The following MGAT4C variants were observed in gnomAD, a reference collection of about 807,000 sequenced individuals.
The protein encoded by MGAT4C is MGAT4 family member C.
In MGAT4C, 19 loss-of-function variants were observed where a neutral mutation model predicts 40.1. The observed-to-expected ratio is 0.47, with a 90% confidence interval of 0.33 to 0.70. The LOEUF is 0.70. Among genes scored for constraint, MGAT4C ranks in the 30% least tolerant of loss-of-function variants. The probability of loss-of-function intolerance (pLI) is 0.02; values close to 1 mark genes in which losing one functional copy is unlikely to be tolerated. For synonymous variants in MGAT4C, 181 were observed against 187.1 expected (o/e 0.97, Z 0.27); for missense variants, 491 against 563.2 (o/e 0.87, Z 1.30).
At chr12:86,363,739 G>C (rs1429217175) in intron 3 of MGAT4C, among the ~76,000 whole-genome samples, 2 of 151,788 alleles carry the variant, frequency 1.3e-5, no homozygotes, top group African/African-American at 2.4e-5. Context: ...CCAAAGAAAG[G>C]AACAGAGGGA....
intron 2 of MGAT4C, among the ~76,000 whole-genome samples, chr12:86,523,089 A>G (rs376870806): frequency 7.9e-5 from 12 of 151,464 alleles, no homozygotes; most frequent in Non-Finnish European, 1.6e-4. Context: ...CTGTGTCTCA[A>G]TCTCCTTCAG....
intron 3 of MGAT4C, among the ~76,000 whole-genome samples, chr12:86,407,255 TGTA>T (rs1264883734): frequency 2.0e-5 from 3 of 152,102 alleles, no homozygotes; most frequent in Non-Finnish European, 2.9e-5. Flanking sequence ...CTTTAAAATA[TGTA>T]GTAGAATTGA....
intron 2 of MGAT4C, among the ~76,000 whole-genome samples, chr12:86,679,953 T>C (rs780464935): frequency 2.6e-5 from 4 of 152,070 alleles, no homozygotes; most frequent in Non-Finnish European, 5.9e-5. Flanking sequence ...TAATGTTTCC[T>C]TGCCTTAGAG....
chr12:86,474,360 G>A (rs984787035), intron 2 of MGAT4C, among the ~76,000 whole-genome samples: 6 of 131,214 alleles, frequency 4.6e-5, no homozygotes, highest in East Asian at 2.5e-4. Context: ...ATCACACACC[G>A]GGCCTGCTGT....
chr12:86,820,879 G>C (rs904881104), intron 1 of MGAT4C, among the ~76,000 whole-genome samples: 3 of 150,758 alleles, frequency 2.0e-5, no homozygotes, highest in African/African-American at 7.3e-5. Context: ...TCTCTATTTT[G>C]CATCCATAGC....
At chr12:86,295,903 G>A (rs542864486) in intron 4 of MGAT4C, among the ~76,000 whole-genome samples, 15 of 145,672 alleles carry the variant, frequency 1.0e-4, no homozygotes, top group Admixed American at 3.5e-4. Context: ...ACAGGGTGCC[G>A]ACTGGTTTGT....
intron 2 of MGAT4C, among the ~76,000 whole-genome samples, chr12:86,544,813 T>C (rs1959184747): frequency 6.6e-6 from 1 of 152,050 alleles, no homozygotes. Flanking sequence ...AGTACCTTAG[T>C]AGTGAATTGT....
At chr12:86,604,974 C>T (rs1379963543) in intron 2 of MGAT4C, among the ~76,000 whole-genome samples, 1 of 151,994 alleles carries the variant, frequency 6.6e-6, no homozygotes, top group Admixed American at 6.6e-5. Flanking sequence ...GAATTCCTTT[C>T]AAAGACCACA....
Position 85,964,426 on chromosome 12 carries a change from C to T in MGAT4C, c.*14863G>A, listed in dbSNP as rs1883256225. On this transcript the variant is annotated 3_prime_UTR_variant, in exon 5 of 5. Coordinates refer to ENST00000611864, the MANE Select transcript of MGAT4C (RefSeq NM_001351288.2). Reference sequence around the variant, plus strand: ...GTAGAAAATTTTAGAGATTTTAATACCAGGATGAAATAATAGTATCATTCT... The same window carrying T: ...GTAGAAAATTTTAGAGATTTTAATATCAGGATGAAATAATAGTATCATTCT... 1 of 151,956 alleles carries T rather than the reference C, an allele frequency of 6.6e-6. No individual in the cohort carries two copies. Among genetic ancestry groups the T allele is most frequent in the Admixed American group, 6.6e-5 (1 of 15,236 alleles). 9.4% of individuals were successfully genotyped at this position (151,956 alleles called of 1,614,324 possible).
At chr12:86,369,144 T>C (rs557232517) in intron 3 of MGAT4C, among the ~76,000 whole-genome samples, 1 of 151,996 alleles carries the variant, frequency 6.6e-6, no homozygotes, top group Non-Finnish European at 1.5e-5. Context: ...TTACTTAATG[T>C]CTACTTTGTC....
At chr12:86,228,413 A>G (rs1273432437) in intron 1 of MGAT4C, among the ~76,000 whole-genome samples, 4 of 151,918 alleles carry the variant, frequency 2.6e-5, no homozygotes, top group African/African-American at 9.7e-5. Context: ...AATGCACACA[A>G]TAAATATTTT....
chr12:86,371,784 A>G (rs961733908), intron 3 of MGAT4C, among the ~76,000 whole-genome samples: 5 of 152,152 alleles, frequency 3.3e-5, no homozygotes, highest in African/African-American at 1.2e-4. Context: ...TTCCTGGTTC[A>G]GTTCTTATTA....
At chr12:86,142,173 T>C (rs1882924693) in intron 1 of MGAT4C, among the ~76,000 whole-genome samples, 1 of 152,210 alleles carries the variant, frequency 6.6e-6, no homozygotes, top group South Asian at 2.1e-4. Flanking sequence ...GTTTAGCTAA[T>C]TTGATCTATG....
At chr12:86,654,734 T>TC (rs1963796651) in intron 2 of MGAT4C, among the ~76,000 whole-genome samples, 1 of 150,018 alleles carries the variant, frequency 6.7e-6, no homozygotes, top group Admixed American at 6.6e-5. Flanking sequence ...TTTTTTTTTT[T>TC]CTCTTAAAGT....
At chr12:86,127,964 G>A (rs2059125694) in intron 1 of MGAT4C, among the ~76,000 whole-genome samples, 1 of 152,098 alleles carries the variant, frequency 6.6e-6, no homozygotes, top group African/African-American at 2.4e-5. Context: ...CTAAAATAAT[G>A]CTTAAAAGTA....
upstream of MGAT4C, among the ~76,000 whole-genome samples, chr12:86,261,142 C>T (rs1346210364): frequency 6.6e-6 from 1 of 152,090 alleles, no homozygotes; most frequent in Admixed American, 6.6e-5. Context: ...ACTTGTCTAG[C>T]ACTACCTTGT....
chr12:86,784,955 T>A (rs2136187423), intron 1 of MGAT4C, among the ~76,000 whole-genome samples: 1 of 152,116 alleles, frequency 6.6e-6, no homozygotes, highest in East Asian at 1.9e-4. Flanking sequence ...ATATCAGTAA[T>A]CATGCTCTTG....
At chr12:86,469,281 G>C (rs1444524801) in intron 2 of MGAT4C, among the ~76,000 whole-genome samples, 7 of 152,088 alleles carry the variant, frequency 4.6e-5, no homozygotes, top group African/African-American at 1.7e-4. Flanking sequence ...TGTTGAGTGT[G>C]AGCTGTACCT....
At chr12:86,136,078 T>C (rs768629976) in intron 1 of MGAT4C, among the ~76,000 whole-genome samples, 5 of 152,198 alleles carry the variant, frequency 3.3e-5, no homozygotes, top group African/African-American at 7.2e-5. Flanking sequence ...AGATTAGTAA[T>C]ACATAAAGGG....
Sources: gnomAD v4.1 joint callset for allele counts (sites outside exome capture counted in the v4.1 genomes callset) on GRCh38, gnomAD v4.1.1 for gene constraint, MANE v1.5 for transcripts, NCBI Gene and HGNC (gene_info 2026-07-23, HGNC 2026-07-21) for gene names.